Variants in PDLIM5 observed in about 807,000 individuals in gnomAD.
PDLIM5 encodes PDZ and LIM domain 5, also known as PDZ and LIM domain protein 5.
In PDLIM5, 34 loss-of-function variants were observed where a neutral mutation model predicts 64.2. That is an observed-to-expected ratio of 0.53 (90% CI 0.40 to 0.71). PDLIM5 has a LOEUF of 0.71. Among genes scored for constraint, PDLIM5 ranks in the 30% least tolerant of loss-of-function variants. The pLI, the probability that PDLIM5 is intolerant of heterozygous loss-of-function variation, is 0.00. For missense variants in PDLIM5, 683 were observed against 733.6 expected (o/e 0.93, Z 0.80); for synonymous variants, 253 against 269.1 (o/e 0.94, Z 0.59).
chr4:94,658,645 C>T (rs528942002), intron 11 of PDLIM5, among the ~76,000 whole-genome samples: 59 of 152,188 alleles, frequency 3.9e-4, no homozygotes, highest in Non-Finnish European at 1.0e-4. Flanking sequence ...TAAGTTGAAG[C>T]TGTGTCATCA....
At chr4:94,639,516 C>T (rs990571111) in intron 8 of PDLIM5, among the ~76,000 whole-genome samples, 2 of 152,026 alleles carry the variant, frequency 1.3e-5, no homozygotes, top group Non-Finnish European at 2.9e-5. Flanking sequence ...ACCAGCAGGA[C>T]CTATTACTAT....
chr4:94,587,524 T>A, intron 7 of PDLIM5: 1 of 890,130 alleles, frequency 1.1e-6, no homozygotes, highest in Non-Finnish European at 1.3e-6. Flanking sequence ...TTATGTTACA[T>A]TCAAAGTTGA....
At chr4:94,662,979 C>A (rs1189473563) in intron 12 of PDLIM5, among the ~76,000 whole-genome samples, 1 of 151,992 alleles carries the variant, frequency 6.6e-6, no homozygotes, top group Non-Finnish European at 1.5e-5. Flanking sequence ...TAGCAATAGC[C>A]CCTGGATATT....
chr4:94,550,227 A>G (rs748233894), intron 3 of PDLIM5, among the ~76,000 whole-genome samples: 15 of 152,150 alleles, frequency 9.9e-5, no homozygotes, highest in Non-Finnish European at 1.5e-4. Context: ...CTCTTAAGCT[A>G]TGATTGCATA....
At position 94,618,024 on chromosome 4, in the gene PDLIM5, C is replaced by T. The variant is rs146000883; in HGVS notation, c.941C>T (p.Pro314Leu). Residue 314 changes from proline to leucine, a missense_variant, in exon 8 of 13, where the codon CCG becomes CTG. Coordinates refer to ENST00000317968, the MANE Select transcript of PDLIM5 (RefSeq NM_006457.5). ...TACAGTAACTCTCAGGAGCCTTCTC[C>T]GCAGTTGGCTTCCTCGGTAGCTTCC... ...KKANNSQEPS[P>L]QLASSVASTR... 1.4e-5 allele frequency: 22 copies of T among 1,578,718 alleles called. No homozygotes were observed. Among genetic ancestry groups the T allele is most frequent in the Admixed American group, 7.3e-5 (4 of 54,626 alleles).
chr4:94,559,901 G>T (rs1181406826), intron 3 of PDLIM5, among the ~76,000 whole-genome samples: 1 of 152,144 alleles, frequency 6.6e-6, no homozygotes, highest in Non-Finnish European at 1.5e-5. Flanking sequence ...CATCTTAACT[G>T]TTTTTATTCA....
intron 5 of PDLIM5, chr4:94,582,695 G>A (rs765725438): frequency 1.3e-6 from 2 of 1,547,650 alleles, no homozygotes; most frequent in East Asian, 4.5e-5. Flanking sequence ...ATCTTTTTTT[G>A]TGTGTGTTAT....
At chr4:94,556,784 C>A (rs1197643569) in intron 3 of PDLIM5, among the ~76,000 whole-genome samples, 1 of 151,980 alleles carries the variant, frequency 6.6e-6, no homozygotes, top group African/African-American at 2.4e-5. Context: ...TGTTTGAGTT[C>A]TTTGTAGATT....
At position 94,598,608 on chromosome 4, in the gene PDLIM5, G is replaced by A. The variant is rs546998710; in HGVS notation, c.920+12164G>A. The stretch of plus-strand genomic sequence containing the variant: ...AGCATATATTATATATAATAAATAC[G>A]TCCAACAAATGTTTATGAGGCACTT... On this transcript the variant is annotated intron_variant, in intron 7 of 12. Transcript: ENST00000317968. Among the ~76,000 whole-genome samples, 20 of 152,040 alleles carry A rather than the reference G, an allele frequency of 1.3e-4. No homozygotes were observed. In the South Asian group the frequency reaches 3.1e-3, roughly 24 times the overall value.
intron 2 of PDLIM5, among the ~76,000 whole-genome samples, chr4:94,496,026 A>T (rs1433439916): frequency 6.6e-6 from 1 of 151,940 alleles, no homozygotes; most frequent in East Asian, 1.9e-4. Flanking sequence ...CTTCACAGTC[A>T]GCTTCATTAA....
chr4:94,662,442 A>G lies in PDLIM5; in HGVS notation c.1606A>G (p.Thr536Ala). 1 of 1,560,190 alleles carries G rather than the reference A, an allele frequency of 6.4e-7. No individual in the cohort carries two copies. Among genetic ancestry groups the G allele is most frequent in the Non-Finnish European group, 8.8e-7 (1 of 1,130,862 alleles). ...TACAGATTATTATGCCCTCTTTGGT[A>G]CTATATGCCATGGATGTGAATTTCC... ...CETDYYALFG[T>A]ICHGCEFPIE... The change falls in exon 12 of 13, where the codon ACT (threonine) becomes GCT (alanine). Residue 536 changes from threonine (T) to alanine (A), a missense_variant. Transcript: ENST00000317968.
chr4:94,508,800 G>A (rs763671520), intron 2 of PDLIM5, among the ~76,000 whole-genome samples: 57 of 152,184 alleles, frequency 3.7e-4, no homozygotes, highest in Non-Finnish European at 7.3e-4. Context: ...CAAAAACTGT[G>A]ATTACTTTTG....
At chr4:94,543,637 A>C (rs1285689512) in intron 3 of PDLIM5, among the ~76,000 whole-genome samples, 1 of 152,074 alleles carries the variant, frequency 6.6e-6, no homozygotes, top group African/African-American at 2.4e-5. Flanking sequence ...CTATGAGTTC[A>C]ACTTTGTTAG....
intron 7 of PDLIM5, among the ~76,000 whole-genome samples, chr4:94,601,880 A>T (rs1737530988): frequency 6.6e-6 from 1 of 152,242 alleles, no homozygotes; most frequent in South Asian, 2.1e-4. Flanking sequence ...AAGGGAGATC[A>T]TAGTTACAAA....
intron 3 of PDLIM5, among the ~76,000 whole-genome samples, chr4:94,569,653 T>C (rs1734641661): frequency 6.6e-6 from 1 of 152,144 alleles, no homozygotes; most frequent in South Asian, 2.1e-4. Flanking sequence ...GAGTTTCTCA[T>C]CTGTAAAATG....
At chr4:94,544,931 G>A (rs1177534883) in intron 3 of PDLIM5, among the ~76,000 whole-genome samples, 3 of 152,178 alleles carry the variant, frequency 2.0e-5, no homozygotes, top group African/African-American at 7.2e-5. Context: ...CCTTGCCATG[G>A]TTAAATCCAG....
At chr4:94,651,224 T>G (rs1009745752) in intron 9 of PDLIM5, among the ~76,000 whole-genome samples, 1 of 152,210 alleles carries the variant, frequency 6.6e-6, no homozygotes, top group Non-Finnish European at 1.5e-5. Context: ...AAGATGCTCT[T>G]TCAGGACAGC....
chr4:94,653,194 C>G (rs1349491992), intron 9 of PDLIM5, among the ~76,000 whole-genome samples: 1 of 151,974 alleles, frequency 6.6e-6, no homozygotes, highest in African/African-American at 2.4e-5. Context: ...TACTAGAAAT[C>G]AGGAAATTCA....
intron 5 of PDLIM5, chr4:94,584,998 T>TA: frequency 6.6e-7 from 1 of 1,514,814 alleles, no homozygotes; most frequent in Non-Finnish European, 9.1e-7. Flanking sequence ...AAATCCCACC[T>TA]AAACGGTAAT....
Sources: gnomAD v4.1 joint callset for allele counts (sites outside exome capture counted in the v4.1 genomes callset) on GRCh38, gnomAD v4.1.1 for gene constraint, MANE v1.5 for transcripts, NCBI Gene and HGNC (gene_info 2026-07-23, HGNC 2026-07-21) for gene names.